PSME2: variants seen among roughly 807,000 people sequenced by gnomAD.
The protein encoded by PSME2 is proteasome activator complex subunit 2.
In PSME2, 20 loss-of-function variants were observed where a neutral mutation model predicts 38.8. The observed-to-expected ratio is 0.52, with a 90% CI of 0.36 to 0.75. The LOEUF (loss-of-function observed/expected upper bound fraction) is 0.75. PSME2 is among the 30% of genes least tolerant of loss of function. PSME2 has a pLI of 0.00. For synonymous variants in PSME2, 82 were observed against 102.5 expected, an observed-to-expected ratio of 0.80 and a Z score of 1.21; for missense variants, 227 against 287.6, an observed-to-expected ratio of 0.79 and a Z score of 1.52.
chr14:24,146,303 C>CAACAGGGTGCCCTCG, intron 1 of PSME2, 63 bp from the exon 2 acceptor site: 1 of 1,584,382 alleles, frequency 6.3e-7, no homozygotes, highest in Non-Finnish European at 8.7e-7. Context: ...CTTCCACCCA[C>CAACAGGGTGCCCTCG]AACAGGGTGC....
At chr14:24,146,093 G>T in intron 2 of PSME2, 115 bp downstream of exon 2, 1 of 1,315,498 alleles carries the variant, frequency 7.6e-7, no homozygotes, top group Non-Finnish European at 1.1e-6. Context: ...GTGAAGGCTT[G>T]GTAAGGGAAG....
chr14:24,145,189 T>A lies in PSME2; in HGVS notation c.263-34A>T, dbSNP rs376034368. The stretch of plus-strand genomic sequence containing the variant: ...AAGAGGGGATTCAGGCCCTTTCTCA[T>A]CCAGTAGTCAGTGTGCCATCACCCC... On this transcript the variant is annotated intron_variant, in intron 5 of 10. Transcript: ENST00000216802. 11 of 1,611,854 alleles carry A rather than the reference T, an allele frequency of 6.8e-6. No homozygotes were observed. In the African/African-American group the frequency reaches 1.3e-4, roughly 20 times the overall value.
At chr14:24,144,071 G>A in intron 8 of PSME2, 42 bp from the exon 9 acceptor site, 1 of 1,611,618 alleles carries the variant, frequency 6.2e-7, no homozygotes, top group African/African-American at 1.3e-5. Flanking sequence ...AGTGTTCAGG[G>A]AGATGTACTC....
intron 3 of PSME2, 32 bp from the exon 4 acceptor site, chr14:24,145,497 A>G (rs2139069312): frequency 6.5e-7 from 1 of 1,533,868 alleles, no homozygotes; most frequent in Non-Finnish European, 8.8e-7. Context: ...GGGCTGCCCA[A>G]CCTCTTCCCT....
In PSME2 at chr14:24,145,978, G is replaced by GT. The variant is rs1555346889; in HGVS notation, c.82-207dup. 5 of 815,842 alleles carry GT rather than the reference G, an allele frequency of 6.1e-6. No homozygotes were observed. The East Asian group carries it at 1.1e-4, about 17-fold the overall frequency. The allele number at this position is 815,842 out of a possible 1,614,324, so 50.5% of individuals were successfully genotyped here. On this transcript the variant is annotated intron_variant, in intron 2 of 10. Transcript: ENST00000216802. ...TGATATTCCTGCTTTGGAAGCCATG[G>GT]TTTTTTTCCTCCACATCAAAAGACG...
At chr14:24,146,065 A>T in intron 2 of PSME2, 143 bp downstream of exon 2, 2 of 1,033,214 alleles carry the variant, frequency 1.9e-6, no homozygotes, top group Non-Finnish European at 3.0e-6. Flanking sequence ...GCTATCAATA[A>T]TTCCGGGGTT....
At chr14:24,146,019 G>A in intron 2 of PSME2, 189 bp downstream of exon 2, 1 of 831,000 alleles carries the variant, frequency 1.2e-6, no homozygotes. Flanking sequence ...AGTGCCAGAA[G>A]TCGGGAGAGT....
chr14:24,143,856 A>G lies in PSME2; in HGVS notation c.552+119T>C, dbSNP rs1566609011. On this transcript the variant is annotated intron_variant, in intron 9 of 10. Coordinates refer to ENST00000216802, the MANE Select transcript of PSME2 (RefSeq NM_002818.3). The surrounding 1 kb of genome is among the most constrained non-coding windows in gnomAD (Gnocchi z 4.4). ...GAAGCCCAAACCAGTTTTTCTAGGT[A>G]ATGCTTTTAGCTTAATATTCTCCAC... The G allele has an allele frequency of 7.2e-7, 1 of 1,388,212 alleles. No individual in the cohort carries two copies. The highest frequency in any genetic ancestry group is 1.0e-6 in the Non-Finnish European group (1 of 989,590). 86.0% of individuals were successfully genotyped at this position (1,388,212 alleles called of 1,614,324 possible).
Position 24,146,563 on chromosome 14 carries a change from C to A in PSME2, c.19G>T (p.Val7Leu). 6.2e-7 allele frequency: 1 copy of A among 1,613,864 alleles called. No individual in the cohort carries two copies. Among genetic ancestry groups the A allele is most frequent in the Non-Finnish European group, 8.5e-7 (1 of 1,180,042 alleles). Residue 7 changes from valine to leucine, a missense_variant, in exon 1 of 11, where the codon GTG becomes TTG. Physicochemically the swap from Val to Leu is conservative, Grantham distance 32. This residue lies in a region of PSME2 where 80 missense variants were observed against 77.3 expected (regional missense o/e 1.04). Transcript: ENST00000216802. Reference sequence around the variant, plus strand: ...TTGCGGGCTTCCCCGCTCAGGCGCACCCCACACGGCTTGGCCATGCTGCTT... The same window carrying A: ...TTGCGGGCTTCCCCGCTCAGGCGCAACCCACACGGCTTGGCCATGCTGCTT... MAKPCG[V>L]RLSGEARKQV...
chr14:24,145,066 A>T lies in PSME2; in HGVS notation c.352T>A (p.Cys118Ser). ...KPEVWTLKEK[C>S]ILVITWIQHL... ...CCATTTCCCAGGCTTACCAGAATGC[A>T]TTTCTCTTTGAGAGTCCAGACTTCT... Residue 118 changes from cysteine (C) to serine (S), a missense_variant, in exon 6 of 11, where the codon TGC becomes AGC. Transcript: ENST00000216802. 1 of 1,612,426 alleles carries T rather than the reference A, an allele frequency of 6.2e-7. No homozygotes were observed. The highest frequency in any genetic ancestry group is 8.5e-7 in the Non-Finnish European group (1 of 1,178,550).
rs1409387180 is a variant in PSME2, at chr14:24,146,539, T to G, written c.43A>C (p.Lys15Gln). The G allele has an allele frequency of 6.2e-6, 10 of 1,613,918 alleles. No individual in the cohort carries two copies. Among genetic ancestry groups the G allele is most frequent in the Non-Finnish European group, 8.5e-6 (10 of 1,180,030 alleles). ...CGVRLSGEAR[K>Q]QVEVFRQNLF... Reference sequence around the variant, plus strand: ...GGCCTCCGATTCCCCATTACCTGTTTGCGGGCTTCCCCGCTCAGGCGCACC... The same window carrying G: ...GGCCTCCGATTCCCCATTACCTGTTGGCGGGCTTCCCCGCTCAGGCGCACC... The change falls in exon 1 of 11, where the codon AAA (lysine) becomes CAA (glutamine). Residue 15 changes from lysine to glutamine, a missense_variant. Physicochemically the swap from Lys to Gln is moderately conservative, Grantham distance 53 (BLOSUM62 1). This residue lies in a region of PSME2 where 80 missense variants were observed against 77.3 expected (regional missense o/e 1.04). Transcript: ENST00000216802.
chr14:24,143,380 G>A lies in PSME2; in HGVS notation c.*29C>T. ...CAGAAGGGAATCCACACAACATATA[G>A]ATCATTTATTTTCCTTCTAGTCCCG... On this transcript the variant is annotated 3_prime_UTR_variant, in exon 11 of 11. Coordinates refer to ENST00000216802, the MANE Select transcript of PSME2 (RefSeq NM_002818.3). The surrounding 1 kb of genome is among the most constrained non-coding windows in gnomAD (Gnocchi z 4.4). 2 of 1,583,356 alleles carry A rather than the reference G, an allele frequency of 1.3e-6. No individual in the cohort carries two copies. The highest frequency in any genetic ancestry group is 8.7e-7 in the Non-Finnish European group (1 of 1,152,182).
rs1374432364 is a variant in PSME2 at position 24,145,051 on chromosome 14, G to C, written c.360+7C>G. ...CTCTTTCTGCTTCCCCCATTTCCCAGGCTTACCAGAATGCATTTCTCTTTG... is the reference window on the plus strand; with the variant it reads ...CTCTTTCTGCTTCCCCCATTTCCCACGCTTACCAGAATGCATTTCTCTTTG... On this transcript the variant is annotated splice_region_variant and intron_variant, in intron 6 of 10. Transcript: ENST00000216802. The C allele has an allele frequency of 6.2e-7, 1 of 1,608,722 alleles. No homozygotes were observed. The highest frequency in any genetic ancestry group is 1.7e-5 in the Admixed American group (1 of 60,012).
chr14:24,145,488 G>C (rs770661003), intron 3 of PSME2, 23 bp from the exon 4 acceptor site: 3 of 1,541,000 alleles, frequency 1.9e-6, no homozygotes, highest in Non-Finnish European at 2.6e-6. Context: ...CACTGTCAAG[G>C]GCTGCCCAAC....
Position 24,143,518 on chromosome 14 carries a change from G to T in PSME2, c.640-29C>A, listed in dbSNP as rs988700813. 2 of 1,613,356 alleles carry T rather than the reference G, an allele frequency of 1.2e-6. No homozygotes were observed. The highest frequency in any genetic ancestry group is 2.7e-5 in the African/African-American group (2 of 74,996). On this transcript the variant is annotated intron_variant, in intron 10 of 10. Coordinates refer to ENST00000216802, the MANE Select transcript of PSME2 (RefSeq NM_002818.3). The surrounding 1 kb of genome is among the most constrained non-coding windows in gnomAD (Gnocchi z 4.4). ...GGAGAAGGCCAGAGTGCAAGAGTCA[G>T]GTTCTTAGCCAATCCCCTGCCTGCC...
intron 2 of PSME2, 76 bp downstream of exon 2, chr14:24,146,132 G>A: frequency 1.4e-5 from 22 of 1,541,914 alleles, no homozygotes; most frequent in Non-Finnish European, 2.0e-5. Context: ...GACTTGGGGG[G>A]GTCATTCTGA....
rs1460690983 is a variant in PSME2 at position 24,144,911 on chromosome 14, G to A, written c.360+147C>T. 5.0e-6 allele frequency: 4 copies of A among 798,524 alleles called. No homozygotes were observed. The African/African-American group carries it at 5.2e-5, about 10-fold the overall frequency. The allele number at this position is 798,524 out of a possible 1,614,324, so 49.5% of individuals were successfully genotyped here. On this transcript the variant is annotated intron_variant, in intron 6 of 10. Coordinates refer to ENST00000216802, the MANE Select transcript of PSME2 (RefSeq NM_002818.3). ...TAAGAGAGGTCTAACAGAACGAGGAGAACAAAGGGGATCTAAGCCCAAGGC... is the reference window on the plus strand; with the variant it reads ...TAAGAGAGGTCTAACAGAACGAGGAAAACAAAGGGGATCTAAGCCCAAGGC...
At position 24,143,794 on chromosome 14, in the gene PSME2, C is replaced by A; in HGVS notation, c.553-123G>T. ...CCTTCTTAGCACCAAGAAATAGGATCCCAAAGGACTGAGCAGAGAAAAGGG... is the reference window on the plus strand; with the variant it reads ...CCTTCTTAGCACCAAGAAATAGGATACCAAAGGACTGAGCAGAGAAAAGGG... On this transcript the variant is annotated intron_variant, in intron 9 of 10. Transcript: ENST00000216802. This position sits in a 1 kb window ranked among gnomAD's most constrained non-coding sequence, Gnocchi z 4.4. The A allele has an allele frequency of 7.7e-7, 1 of 1,293,016 alleles. No homozygotes were observed. The highest frequency in any genetic ancestry group is 1.1e-6 in the Non-Finnish European group (1 of 907,260). 80.1% of individuals were successfully genotyped at this position (1,293,016 alleles called of 1,614,324 possible).
chr14:24,145,475 GCTCA>G lies in PSME2; in HGVS notation c.145-14_145-11del. The G allele has an allele frequency of 1.3e-6, 2 of 1,545,704 alleles. No homozygotes were observed. Among genetic ancestry groups the G allele is most frequent in the Non-Finnish European group, 1.7e-6 (2 of 1,147,742 alleles). ...CATTGAGGGAGTCCTCCTGCACAGA[GCTCA>G]CTGTCAAGGGCTGCCCAACCTCTTC... On this transcript the variant is annotated splice_polypyrimidine_tract_variant and intron_variant, in intron 3 of 10. Coordinates refer to ENST00000216802, the MANE Select transcript of PSME2 (RefSeq NM_002818.3).
Sources: allele counts gnomAD v4.1 joint callset, GRCh38; gene constraint gnomAD v4.1.1; regional missense constraint gnomAD v4.1.1; non-coding constraint Gnocchi (gnomAD v3.1); transcripts MANE v1.5; gene names NCBI Gene and HGNC (gene_info 2026-07-23, HGNC 2026-07-21).